SEL1L3: variants seen among roughly 807,000 people sequenced by gnomAD.
SEL1L3 encodes protein sel-1 homolog 3.
In SEL1L3, 76 loss-of-function variants were observed where a neutral mutation model predicts 142.8. The observed-to-expected ratio is 0.53, with a 90% CI of 0.44 to 0.64. The LOEUF (loss-of-function observed/expected upper bound fraction) is 0.64, where lower values mean the gene tolerates loss of function less well. SEL1L3 is among the 30% of genes least tolerant of loss of function. The probability of loss-of-function intolerance (pLI) is 0.00; values close to 1 mark genes in which losing one functional copy is unlikely to be tolerated. For synonymous variants in SEL1L3, 504 were observed against 519.6 expected (o/e 0.97, Z 0.41); for missense variants, 1,262 against 1,381.7 (o/e 0.91, Z 1.37).
chr4:25,770,739 C>CAAAAAAAAAA (rs57317400), intron 17 of SEL1L3, among the ~76,000 whole-genome samples: 25 of 97,256 alleles, frequency 2.6e-4, no homozygotes, highest in Non-Finnish European at 3.8e-4. Flanking sequence ...GACTCTGTCT[C>CAAAAAAAAAA]AAAAAAAAAA....
chr4:25,739,760 A>ATGTGTGTGTG, the SEL1L3 span, among the ~76,000 whole-genome samples: 2 of 146,446 alleles, frequency 1.4e-5, no homozygotes, highest in Admixed American at 1.4e-4. Context: ...AGAAAAAATA[A>ATGTGTGTGTG]TGTGTGTGTG....
chr4:25,779,395 C>T (rs1211952969), intron 15 of SEL1L3, among the ~76,000 whole-genome samples, 192 bp from the exon 16 acceptor site: 1 of 152,214 alleles, frequency 6.6e-6, no homozygotes, highest in East Asian at 1.9e-4. Context: ...ATGACCTTGC[C>T]TCATCTATTC....
At chr4:25,846,583 C>A (rs975823067) in intron 2 of SEL1L3, among the ~76,000 whole-genome samples, 8 of 152,022 alleles carry the variant, frequency 5.3e-5, no homozygotes, top group African/African-American at 1.9e-4. Flanking sequence ...CCTTTAGGTT[C>A]TCATCTCCTC....
At chr4:25,803,420 C>G (rs1350214940) in intron 10 of SEL1L3, among the ~76,000 whole-genome samples, 2 of 152,242 alleles carry the variant, frequency 1.3e-5, no homozygotes, top group African/African-American at 4.8e-5. Context: ...TCTCAACAGT[C>G]TGAGCCTCCC....
chr4:25,757,401 T>C (rs1330105404), intron 23 of SEL1L3, 133 bp downstream of exon 23: 4 of 674,836 alleles, frequency 5.9e-6, no homozygotes, highest in South Asian at 2.0e-5. Context: ...ACCCTAGGGA[T>C]AGGAGATAGC....
intron 13 of SEL1L3, among the ~76,000 whole-genome samples, chr4:25,786,728 G>A (rs1227424771): frequency 6.6e-6 from 1 of 152,204 alleles, no homozygotes; most frequent in East Asian, 1.9e-4. Flanking sequence ...GCCCTGAATG[G>A]AATGGATGCT....
intron 2 of SEL1L3, among the ~76,000 whole-genome samples, chr4:25,842,367 C>T (rs911230695): frequency 7.1e-6 from 1 of 140,824 alleles, no homozygotes; most frequent in African/African-American, 2.7e-5. Context: ...CAGTGGGGGG[C>T]GGTGTTGCTT....
chr4:25,803,391 A>G (rs1401417910), intron 10 of SEL1L3, among the ~76,000 whole-genome samples: 1 of 152,258 alleles, frequency 6.6e-6, no homozygotes, highest in East Asian at 1.9e-4. Context: ...GGAAGGGAAC[A>G]TGGAACCATT....
chr4:25,833,858 A>C (rs747007776), intron 3 of SEL1L3, among the ~76,000 whole-genome samples: 1 of 152,216 alleles, frequency 6.6e-6, no homozygotes, highest in Non-Finnish European at 1.5e-5. Context: ...CATGCCTGCT[A>C]TTTGAATTCT....
chr4:25,776,545 C>T (rs996486650), intron 16 of SEL1L3, 185 bp from the exon 17 acceptor site: 2 of 556,982 alleles, frequency 3.6e-6, no homozygotes, highest in African/African-American at 1.9e-5. Context: ...TCATTTAGTG[C>T]CCTTTCTTAT....
At chr4:25,744,647 C>T (rs1450696637), downstream of SEL1L3, among the ~76,000 whole-genome samples, 1 of 152,172 alleles carries the variant, frequency 6.6e-6, no homozygotes, top group East Asian at 1.9e-4. Flanking sequence ...AGCCACTGCG[C>T]GCTGGCACCC....
At chr4:25,833,360 T>A in intron 4 of SEL1L3, 88 bp downstream of exon 4, 1 of 1,289,376 alleles carries the variant, frequency 7.8e-7, no homozygotes, top group Non-Finnish European at 1.1e-6. Flanking sequence ...GTTGACAGGA[T>A]CTTCCTTATT....
chr4:25,751,671 G>A (rs1009531587), intron 23 of SEL1L3, among the ~76,000 whole-genome samples: 12 of 148,582 alleles, frequency 8.1e-5, no homozygotes, highest in East Asian at 1.9e-4. Context: ...ATAAATATAT[G>A]TTCTTTATAT....
chr4:25,741,547 G>A, the SEL1L3 span, among the ~76,000 whole-genome samples: 20 of 152,022 alleles, frequency 1.3e-4, no homozygotes, highest in East Asian at 3.9e-4. Context: ...TTGTTCCTGT[G>A]CTTTGAATAT....
chr4:25,834,369 A>G (rs934997117), intron 3 of SEL1L3, among the ~76,000 whole-genome samples: 5 of 152,240 alleles, frequency 3.3e-5, no homozygotes, highest in African/African-American at 1.2e-4. Flanking sequence ...GGAAGTGGGA[A>G]TGATTACATT....
intron 17 of SEL1L3, 123 bp from the exon 18 acceptor site, chr4:25,767,953 G>A (rs1279595788): frequency 2.5e-5 from 16 of 634,318 alleles, no homozygotes; most frequent in South Asian, 4.2e-5. Context: ...CCACAAAATC[G>A]TGAGTTTTTT....
chr4:25,795,060 T>TGGGGGGGGGGGG (rs199884490), intron 11 of SEL1L3, among the ~76,000 whole-genome samples: 15 of 42,186 alleles, frequency 3.6e-4, no homozygotes, highest in African/African-American at 6.5e-4. Flanking sequence ...TCTTGGGGGG[T>TGGGGGGGGGGGG]GGGGGGGAGG....
rs1717268647 is a variant in SEL1L3, at chr4:25,856,518, C to T, written c.162+6157G>A. On this transcript the variant is annotated intron_variant, in intron 1 of 23. Coordinates refer to ENST00000399878, the MANE Select transcript of SEL1L3 (RefSeq NM_015187.5). ...ACCAGATGTGAGCCCTCATCAAAGT[C>T]AAATTTGACAACGTCATGCACAGTC... is the stretch of plus-strand genomic sequence containing the variant. 2.7e-5 allele frequency among the ~76,000 whole-genome samples: 4 copies of T among 148,000 alleles called. No homozygotes were observed. In the Admixed American group the frequency reaches 2.7e-4, roughly 10 times the overall value.
At chr4:25,792,323 G>A (rs1473983202) in intron 11 of SEL1L3, among the ~76,000 whole-genome samples, 2 of 152,158 alleles carry the variant, frequency 1.3e-5, no homozygotes, top group African/African-American at 4.8e-5. Context: ...TGAAACTATA[G>A]AACTGGCCTT....
Sources: allele counts gnomAD v4.1 joint callset (sites outside exome capture counted in the v4.1 genomes callset), GRCh38; gene constraint gnomAD v4.1.1; transcripts MANE v1.5; gene names NCBI Gene and HGNC (gene_info 2026-07-23, HGNC 2026-07-21).